LARP1B: variants seen among roughly 807,000 people sequenced by gnomAD.
LARP1B encodes the protein La ribonucleoprotein 1B.
In LARP1B, 76 loss-of-function variants were observed where a neutral mutation model predicts 114.2. That is an observed-to-expected ratio of 0.67 (90% CI 0.55 to 0.81). The LOEUF (loss-of-function observed/expected upper bound fraction) is 0.81. Ranked by LOEUF, LARP1B falls within the 30% of genes least tolerant of loss-of-function variation. The pLI is 0.00. For synonymous variants in LARP1B, 345 were observed against 348.0 expected, an observed-to-expected ratio of 0.99 and a Z score of 0.10; for missense variants, 1,014 against 1,075.8, an observed-to-expected ratio of 0.94 and a Z score of 0.80.
At chr4:128,115,686 G>A (rs1019762121) in intron 10 of LARP1B, among the ~76,000 whole-genome samples, 48 of 152,114 alleles carry the variant, frequency 3.2e-4, no homozygotes, top group Non-Finnish European at 1.9e-4. Flanking sequence ...ACAGAGTCTC[G>A]CTCTGTCGCC....
At chr4:128,185,708 A>G (rs574045665) in intron 15 of LARP1B, among the ~76,000 whole-genome samples, 1 of 152,072 alleles carries the variant, frequency 6.6e-6, no homozygotes, top group East Asian at 1.9e-4. Context: ...TCATTAGTCT[A>G]TTTTTGCTTT....
At chr4:128,069,638 A>G (rs747765690) in intron 1 of LARP1B, 24 of 624,768 alleles carry the variant, frequency 3.8e-5, no homozygotes, top group Non-Finnish European at 6.0e-5. Context: ...GGCTGCTGCT[A>G]GACAGAAGGG....
chr4:128,074,471 C>T lies in LARP1B; in HGVS notation c.-66C>T. 1.1e-6 allele frequency: 1 copy of T among 885,298 alleles called. No individual in the cohort carries two copies. Among genetic ancestry groups the T allele is most frequent in the Non-Finnish European group, 1.4e-6 (1 of 738,364 alleles). The allele number at this position is 885,298 out of a possible 1,614,324, so 54.8% of individuals were successfully genotyped here. ...TATATTTTCTTTAGAATTCGGTTCC[C>T]TCAAAATTATAAAGGCAGGAAAGCT... On this transcript the variant is annotated 5_prime_UTR_variant, in exon 2 of 20. Transcript: ENST00000326639.
At chr4:128,219,832 T>A (rs78562038) in intron 6 of LARP1B, among the ~76,000 whole-genome samples, 48 of 149,456 alleles carry the variant, frequency 3.2e-4, no homozygotes, top group African/African-American at 9.6e-4. Context: ...AATAAATAAA[T>A]GGAATTAGGA....
chr4:128,097,534 C>T (rs1417961089), intron 7 of LARP1B, among the ~76,000 whole-genome samples: 2 of 150,438 alleles, frequency 1.3e-5, no homozygotes, highest in African/African-American at 2.4e-5. Context: ...CTTGAACTGC[C>T]GACCTCAGGG....
chr4:128,186,326 G>A (rs1375697152), intron 15 of LARP1B, among the ~76,000 whole-genome samples: 2 of 151,878 alleles, frequency 1.3e-5, no homozygotes, highest in Non-Finnish European at 2.9e-5. Context: ...TTTCTTTCGT[G>A]TGACCTCTTT....
intron 15 of LARP1B, among the ~76,000 whole-genome samples, chr4:128,191,451 T>C (rs1752244339): frequency 6.6e-6 from 1 of 152,188 alleles, no homozygotes; most frequent in African/African-American, 2.4e-5. Context: ...CTTAATACTA[T>C]TGTATATCAG....
chr4:128,214,462 T>A (rs544802082), downstream of LARP1B, among the ~76,000 whole-genome samples: 4 of 151,698 alleles, frequency 2.6e-5, no homozygotes, highest in Non-Finnish European at 5.9e-5. Context: ...ATCTGAGAAC[T>A]GGCAGACTGC....
At chr4:128,170,337 T>C (rs1743025590) in intron 12 of LARP1B, among the ~76,000 whole-genome samples, 1 of 152,226 alleles carries the variant, frequency 6.6e-6, no homozygotes, top group African/African-American at 2.4e-5. Context: ...ATGTTCCATA[T>C]TGTCTGTTCA....
intron 11 of LARP1B, among the ~76,000 whole-genome samples, chr4:128,146,598 TCTTG>T (rs1267132015): frequency 6.6e-6 from 1 of 152,146 alleles, no homozygotes; most frequent in Non-Finnish European, 1.5e-5. Flanking sequence ...AGGAAATCGG[TCTTG>T]CTAAGGTCAA....
chr4:128,132,771 T>C (rs1302355396), intron 11 of LARP1B, among the ~76,000 whole-genome samples: 4 of 152,042 alleles, frequency 2.6e-5, no homozygotes, highest in Non-Finnish European at 5.9e-5. Flanking sequence ...GGCATGGTTT[T>C]GGAATAATTT....
chr4:128,127,189 C>T (rs1459012894), intron 11 of LARP1B, among the ~76,000 whole-genome samples: 2 of 152,026 alleles, frequency 1.3e-5, no homozygotes, highest in African/African-American at 2.4e-5. Context: ...CCAGCAGAGT[C>T]TCATGAAAGA....
intron 11 of LARP1B, among the ~76,000 whole-genome samples, chr4:128,145,599 A>G (rs1729997294): frequency 6.6e-6 from 1 of 152,076 alleles, no homozygotes; most frequent in South Asian, 2.1e-4. Context: ...GCTCTATTCC[A>G]CAGGTTCCAC....
rs1265974062 is a variant in LARP1B, at chr4:128,147,418, A to G, written c.1525-14776A>G. On this transcript the variant is annotated intron_variant, in intron 11 of 19. Coordinates refer to ENST00000326639, the MANE Select transcript of LARP1B (RefSeq NM_018078.4). ...ATGCAAGAGTTTTGCCTTGATTATT[A>G]GGCAATATTTGGATATATGTACAAA... is the stretch of plus-strand genomic sequence containing the variant. Among the ~76,000 whole-genome samples, 5 of 152,206 alleles carry G rather than the reference A, an allele frequency of 3.3e-5. No individual in the cohort carries two copies. The East Asian group carries it at 9.6e-4, about 29-fold the overall frequency.
chr4:128,222,563 TAAC>T, exon 8 of LARP1B: 1 of 246,418 alleles, frequency 4.1e-6, no homozygotes, highest in South Asian at 4.3e-5. Flanking sequence ...AACTTTTAGA[TAAC>T]AACTTCAACA....
At chr4:128,176,020 G>A (rs1418889101) in intron 12 of LARP1B, among the ~76,000 whole-genome samples, 1 of 150,288 alleles carries the variant, frequency 6.7e-6, no homozygotes, top group African/African-American at 2.4e-5. Context: ...TTTCACAAAG[G>A]TACTGGATTT....
intron 1 of LARP1B, among the ~76,000 whole-genome samples, chr4:128,065,458 C>T (rs539137793): frequency 1.2e-4 from 18 of 151,482 alleles, no homozygotes; most frequent in Non-Finnish European, 2.5e-4. Flanking sequence ...GATCCTCCTG[C>T]TTCCCAAAGT....
Position 128,179,500 on chromosome 4 carries a change from C to T in LARP1B, c.1991C>T (p.Thr664Ile), listed in dbSNP as rs749386817. Residue 664 changes from threonine to isoleucine, a missense_variant, in exon 15 of 20, where the codon ACA becomes ATA. Coordinates refer to ENST00000326639, the MANE Select transcript of LARP1B (RefSeq NM_018078.4). The stretch of plus-strand genomic sequence containing the variant: ...GATTCCAGAGACCGTGGGCCAGGAA[C>T]ATCCTCTGTCAGGTACTATATTTCT... ...VMDSRDRGPG[T>I]SSVSTSNASP... 1.9e-6 allele frequency: 3 copies of T among 1,589,616 alleles called. No individual in the cohort carries two copies. Among genetic ancestry groups the T allele is most frequent in the Admixed American group, 3.5e-5 (2 of 56,632 alleles).
Position 128,207,325 on chromosome 4 carries a change from AC to A in LARP1B, c.2492del (p.Pro831GlnfsTer13). 6.4e-7 allele frequency: 1 copy of A among 1,564,216 alleles called. No individual in the cohort carries two copies. The highest frequency in any genetic ancestry group is 8.7e-7 in the Non-Finnish European group (1 of 1,154,378). On this transcript the variant is annotated frameshift_variant, in exon 19 of 20. Coordinates refer to ENST00000326639, the MANE Select transcript of LARP1B (RefSeq NM_018078.4). LOFTEE classifies it high-confidence loss of function. ...KYSQSKTQSI[D>X]PKLQEYLCSF... Reference sequence around the variant, plus strand: ...TCTCAATCTAAGACACAGTCTATTGACCCAAAACTTCAGGAATACCTCTGTA... The same window carrying A: ...TCTCAATCTAAGACACAGTCTATTGACCAAAACTTCAGGAATACCTCTGTA...
Sources: gnomAD v4.1 joint callset for allele counts (sites outside exome capture counted in the v4.1 genomes callset) on GRCh38, gnomAD v4.1.1 for gene constraint, MANE v1.5 for transcripts, NCBI Gene and HGNC (gene_info 2026-07-23, HGNC 2026-07-21) for gene names.